Variants in OPA1 observed in about 807,000 individuals in gnomAD.
OPA1 encodes OPA1 mitochondrial dynamin like GTPase.
Under a neutral mutation model 152.9 loss-of-function variants are expected in OPA1, and 59 were observed. The ratio of observed to expected loss-of-function variants is 0.39; its 90% CI spans 0.31 to 0.48. OPA1 has a LOEUF of 0.48. OPA1 is among the 20% of genes least tolerant of loss of function. OPA1 has a pLI of 0.96. For synonymous variants in OPA1, 400 were observed against 389.9 expected, an observed-to-expected ratio of 1.03 and a Z score of -0.31; for missense variants, 1,008 against 1,216.8, an observed-to-expected ratio of 0.83 and a Z score of 2.55.
chr3:193,597,231 G>A (rs1725743056), intron 1 of OPA1, among the ~76,000 whole-genome samples: 2 of 152,278 alleles, frequency 1.3e-5, no homozygotes, highest in East Asian at 3.9e-4. Flanking sequence ...TGGCCAGTGA[G>A]ATAGAGGTAA....
At chr3:193,650,638 A>T (rs566244316) in intron 21 of OPA1, among the ~76,000 whole-genome samples, 59 of 152,330 alleles carry the variant, frequency 3.9e-4, no homozygotes, top group Middle Eastern at 3.4e-3. Flanking sequence ...ATAACATGAC[A>T]GTTTGTTATT....
chr3:193,670,991 G>A (rs1421875609), intron 29 of OPA1, among the ~76,000 whole-genome samples: 1 of 152,074 alleles, frequency 6.6e-6, no homozygotes, highest in Admixed American at 6.5e-5. Context: ...TGGCCAGGCT[G>A]GGGACAATTT....
At chr3:193,633,087 G>T (rs13078398) in intron 8 of OPA1, among the ~76,000 whole-genome samples, 65,200 of 151,754 alleles carry the variant, frequency 0.43, 14,254 homozygotes, top group Non-Finnish European at 0.44. Context: ...AGACTCACCT[G>T]TGCTCTGAGT....
rs1364840087 is a variant in OPA1 at position 193,667,535 on chromosome 3, G to A, written c.2983+255G>A. 7 of 423,998 alleles carry A rather than the reference G, an allele frequency of 1.7e-5. No homozygotes were observed. In the East Asian group the frequency reaches 3.6e-4, roughly 22 times the overall value. 26.3% of individuals were successfully genotyped at this position (423,998 alleles called of 1,614,324 possible). On this transcript the variant is annotated intron_variant, in intron 29 of 30. Coordinates refer to ENST00000361510, the MANE Select transcript of OPA1 (RefSeq NM_130837.3). ...AATACAAAAAACTTAGCCAGGTGTG[G>A]TGGTGGGTGCCTATAGTCCCAGCTA...
rs1293481075 is a variant in OPA1 at position 193,614,677 on chromosome 3, A to T, written c.33-46A>T. The T allele has an allele frequency of 6.4e-6, 9 of 1,401,604 alleles. No homozygotes were observed. The East Asian group carries it at 2.1e-4, about 32-fold the overall frequency. The allele number at this position is 1,401,604 out of a possible 1,614,324, so 86.8% of individuals were successfully genotyped here. ...GCTCTTTTAATGTCATTTCCTTTGT[A>T]CTGTTACCCTCTCTGATCTTTCTTC... On this transcript the variant is annotated intron_variant, in intron 1 of 30. Transcript: ENST00000361510.
chr3:193,621,505 C>T (rs898053168), intron 6 of OPA1, among the ~76,000 whole-genome samples: 32 of 152,132 alleles, frequency 2.1e-4, no homozygotes, highest in African/African-American at 7.5e-4. Flanking sequence ...CACAGGCTAA[C>T]GAATTAATCA....
chr3:193,659,981 A>C (rs1039684112), intron 25 of OPA1, among the ~76,000 whole-genome samples: 2 of 152,150 alleles, frequency 1.3e-5, no homozygotes, highest in African/African-American at 2.4e-5. Context: ...CCTCCTCTTT[A>C]CTAAAAGTCA....
At chr3:193,619,916 ATTT>A (rs976594066) in intron 6 of OPA1, among the ~76,000 whole-genome samples, 2 of 151,984 alleles carry the variant, frequency 1.3e-5, no homozygotes, top group Non-Finnish European at 2.9e-5. Context: ...ATTTCAAAAG[ATTT>A]TTTTCTTTTG....
rs150573251 is a variant in OPA1, at chr3:193,643,259, G to A, written c.1306-114G>A. 1,610 of 909,694 alleles carry A rather than the reference G, an allele frequency of 1.8e-3. 19 individuals carry two copies. In the East Asian group the frequency reaches 0.025, roughly 14 times the overall value. 56.4% of individuals were successfully genotyped at this position (909,694 alleles called of 1,614,324 possible). A position where few individuals can be genotyped will look rare whatever the true frequency, so the allele number is the denominator to read the frequency against. On this transcript the variant is annotated intron_variant, in intron 13 of 30. Coordinates refer to ENST00000361510, the MANE Select transcript of OPA1 (RefSeq NM_130837.3). ...GAGAAAGAATACCATTTTTGTGAGC[G>A]TCTTATCTGAATGGATGAGATATAG...
intron 10 of OPA1, 31 bp from the exon 11 acceptor site, chr3:193,637,921 T>C (rs761942140): frequency 6.5e-7 from 1 of 1,543,556 alleles, no homozygotes; most frequent in Non-Finnish European, 9.0e-7. Flanking sequence ...ATCAGAAAAA[T>C]ATGAATAAGT....
intron 1 of OPA1, among the ~76,000 whole-genome samples, chr3:193,605,316 A>G (rs1727092933): frequency 1.3e-5 from 2 of 152,334 alleles, no homozygotes; most frequent in Admixed American, 6.5e-5. Context: ...AATCTGGAAC[A>G]AATCTCCAGT....
chr3:193,669,343 T>A (rs1447977814), intron 29 of OPA1, among the ~76,000 whole-genome samples: 1 of 152,230 alleles, frequency 6.6e-6, no homozygotes, highest in Non-Finnish European at 1.5e-5. Flanking sequence ...ATTTTAACTT[T>A]TATTTTCATT....
rs1315323306 is a variant in OPA1 at position 193,612,781 on chromosome 3, T to A, written c.33-1942T>A. Among the ~76,000 whole-genome samples the A allele has an allele frequency of 2.0e-5, 3 of 152,234 alleles. No individual in the cohort carries two copies. In the East Asian group the frequency reaches 5.8e-4, roughly 29 times the overall value. On this transcript the variant is annotated intron_variant, in intron 1 of 30. Coordinates refer to ENST00000361510, the MANE Select transcript of OPA1 (RefSeq NM_130837.3). ...ATCCCATTATTAAATAAGGTACTTA[T>A]CAGAGGTCTGAGGCCTCTAACTGAA...
chr3:193,688,849 G>A (rs1560080032), intron 29 of OPA1, among the ~76,000 whole-genome samples: 1 of 152,024 alleles, frequency 6.6e-6, no homozygotes, highest in Non-Finnish European at 1.5e-5. Flanking sequence ...AGCCAGGTGT[G>A]GTGCTGCATG....
intron 1 of OPA1, among the ~76,000 whole-genome samples, chr3:193,598,980 C>A (rs905748103): frequency 6.6e-6 from 1 of 152,270 alleles, no homozygotes; most frequent in Middle Eastern, 3.4e-3. Context: ...ACATGGGTCA[C>A]GCTGGATAAA....
intron 6 of OPA1, among the ~76,000 whole-genome samples, chr3:193,619,839 T>C (rs1390982018): frequency 6.6e-6 from 1 of 152,220 alleles, no homozygotes; most frequent in Non-Finnish European, 1.5e-5. Flanking sequence ...ATAATTTCTA[T>C]GAATAGGTTT....
chr3:193,664,297 T>C (rs1716000520), intron 26 of OPA1, among the ~76,000 whole-genome samples: 1 of 152,070 alleles, frequency 6.6e-6, no homozygotes, highest in South Asian at 2.1e-4. Context: ...TTTTCTGACC[T>C]CACTTACCTC....
intron 29 of OPA1, among the ~76,000 whole-genome samples, chr3:193,676,235 T>C (rs752615020): frequency 8.1e-4 from 95 of 117,014 alleles, no homozygotes; most frequent in Middle Eastern, 8.2e-3. Context: ...GACAGAAAAA[T>C]TGATTTTTTT....
rs200756304 is a variant in OPA1 at position 193,648,855 on chromosome 3, G to C, written c.1996G>C (p.Val666Leu). Residue 666 changes from valine (V) to leucine (L), a missense_variant, in exon 21 of 31, where the codon GTT becomes CTT. Around this residue, in one of 7 missense-constraint regions of OPA1, gnomAD observed 229 missense variants for 269.0 expected, o/e 0.85. Coordinates refer to ENST00000361510, the MANE Select transcript of OPA1 (RefSeq NM_130837.3). The stretch of plus-strand genomic sequence containing the variant: ...TGATGAAGTTATCAGTCTGAGCCAG[G>C]TTACACCAAAACATTGGTAAGTATT... ...ILDEVISLSQVTPKHWEEILQ... is the reference protein window; with the variant it reads ...ILDEVISLSQLTPKHWEEILQ... 3.1e-6 allele frequency: 5 copies of C among 1,606,626 alleles called. No homozygotes were observed. The Admixed American group carries it at 6.7e-5, about 21-fold the overall frequency.
Sources: gnomAD v4.1 joint callset for allele counts (sites outside exome capture counted in the v4.1 genomes callset) on GRCh38, gnomAD v4.1.1 for gene constraint, gnomAD v4.1.1 regional missense constraint, MANE v1.5 for transcripts, NCBI Gene and HGNC (gene_info 2026-07-23, HGNC 2026-07-21) for gene names.